The following EPS15L1 variants were observed in gnomAD, a reference collection of about 807,000 sequenced individuals.
EPS15L1 encodes epidermal growth factor receptor substrate 15-like 1.
A neutral mutation model predicts 117.1 loss-of-function variants in EPS15L1; 43 were observed. The observed-to-expected ratio is 0.37, with a 90% CI of 0.29 to 0.47. The LOEUF (loss-of-function observed/expected upper bound fraction) is 0.47, where lower values mean the gene tolerates loss of function less well. EPS15L1 is among the 20% of genes least tolerant of loss of function. The pLI is 0.99. For synonymous variants in EPS15L1, 459 were observed against 470.5 expected, an observed-to-expected ratio of 0.98 and a Z score of 0.32; for missense variants, 981 against 1,164.0, an observed-to-expected ratio of 0.84 and a Z score of 2.29.
At chr19:16,362,133 G>C (rs2092063725) in intron 22 of EPS15L1, 149 bp from the exon 23 acceptor site, 1 of 769,280 alleles carries the variant, frequency 1.3e-6, no homozygotes, top group African/African-American at 1.8e-5. Flanking sequence ...GGGTACCCTG[G>C]GGAATCCCAG....
At chr19:16,358,575 C>A (rs2144618683) in intron 23 of EPS15L1, among the ~76,000 whole-genome samples, 1 of 152,214 alleles carries the variant, frequency 6.6e-6, no homozygotes, top group East Asian at 1.9e-4. Context: ...GAGGCCTGCC[C>A]ACTCAGGATG....
intron 18 of EPS15L1, 56 bp downstream of exon 18, chr19:16,393,895 T>C: frequency 6.3e-7 from 1 of 1,575,130 alleles, no homozygotes; most frequent in Non-Finnish European, 8.7e-7. Context: ...ACATGCGACT[T>C]CTGAGCCAGG....
At chr19:16,441,785 C>CAGGAGGCCGGGCCCCATGGA (rs2145077237) in intron 3 of EPS15L1, 107 bp downstream of exon 3, 1 of 821,748 alleles carries the variant, frequency 1.2e-6, no homozygotes, top group African/African-American at 1.7e-5. Context: ...GGCCACTACC[C>CAGGAGGCCGGGCCCCATGGA]AGGAGGCCGG....
At chr19:16,409,998 G>A (rs552846721) in intron 13 of EPS15L1, among the ~76,000 whole-genome samples, 42 of 149,490 alleles carry the variant, frequency 2.8e-4, no homozygotes, top group South Asian at 4.3e-4. Context: ...ACCAGGTGTA[G>A]TGGCACATGC....
intron 16 of EPS15L1, among the ~76,000 whole-genome samples, chr19:16,397,338 C>G (rs910320164): frequency 3.9e-5 from 6 of 152,194 alleles, no homozygotes; most frequent in Non-Finnish European, 7.3e-5. Flanking sequence ...AATCCACCCC[C>G]CTCGGCCTCC....
At chr19:16,463,815 C>G (rs946657860) in intron 1 of EPS15L1, among the ~76,000 whole-genome samples, 3 of 152,220 alleles carry the variant, frequency 2.0e-5, no homozygotes, top group Admixed American at 6.5e-5. Flanking sequence ...TCAGGAAAGG[C>G]TTCCCTGAGG....
chr19:16,419,866 C>T (rs1016683645), intron 10 of EPS15L1, among the ~76,000 whole-genome samples: 2 of 152,240 alleles, frequency 1.3e-5, no homozygotes, highest in African/African-American at 4.8e-5. Context: ...TCTCCACTCC[C>T]GCCCCTTCTC....
intron 1 of EPS15L1, among the ~76,000 whole-genome samples, chr19:16,452,083 G>C (rs372722067): frequency 1.3e-5 from 2 of 151,764 alleles, no homozygotes; most frequent in African/African-American, 4.8e-5. Flanking sequence ...AGGTTGCAGT[G>C]AGCCAAGATC....
chr19:16,459,512 G>T (rs934912642), intron 1 of EPS15L1, among the ~76,000 whole-genome samples: 4 of 152,270 alleles, frequency 2.6e-5, no homozygotes, highest in Admixed American at 6.5e-5. Flanking sequence ...AGTGCAGGAA[G>T]GTGCAGTTGG....
intron 19 of EPS15L1, among the ~76,000 whole-genome samples, chr19:16,391,871 C>T (rs958683020): frequency 9.2e-5 from 14 of 152,038 alleles, no homozygotes; most frequent in African/African-American, 3.4e-4. Context: ...TCTAAGGTCC[C>T]CACCAGTGCT....
In EPS15L1 at chr19:16,434,495, T is replaced by C; in HGVS notation, c.373-5A>G. 2 of 1,613,122 alleles carry C rather than the reference T, an allele frequency of 1.2e-6. No homozygotes were observed. The highest frequency in any genetic ancestry group is 1.7e-6 in the Non-Finnish European group (2 of 1,179,482). On this transcript the variant is annotated splice_polypyrimidine_tract_variant and splice_region_variant and intron_variant, in intron 6 of 23. Transcript: ENST00000455140. ...AAATTTGGCCTTTTCTTCCACCTAG[T>C]TGGAAAGAAATAGCCCGAGTAAGTA...
rs115643709 is a variant in EPS15L1 at position 16,428,905 on chromosome 19, G to A, written c.499-144C>T. On this transcript the variant is annotated intron_variant, in intron 7 of 23. Transcript: ENST00000455140. ...AATATACATTTCAGGACCAGTCCGC[G>A]AGTTCTCAGAAAAACCATCACCTGT... 1.5e-3 allele frequency: 942 copies of A among 634,238 alleles called. 12 individuals are homozygous for A. In the African/African-American group the frequency reaches 0.015, roughly 10 times the overall value. The allele number at this position is 634,238 out of a possible 1,614,324, so 39.3% of individuals were successfully genotyped here. A position where few individuals can be genotyped will look rare whatever the true frequency, so the allele number is the denominator to read the frequency against.
intron 1 of EPS15L1, among the ~76,000 whole-genome samples, chr19:16,454,840 C>T (rs889222136): frequency 2.7e-5 from 4 of 149,404 alleles, no homozygotes; most frequent in Non-Finnish European, 5.9e-5. Flanking sequence ...TTTTAAGAGA[C>T]AGCTCTGGGC....
intron 17 of EPS15L1, 128 bp from the exon 18 acceptor site, chr19:16,394,129 T>A: frequency 1.2e-6 from 1 of 810,846 alleles, no homozygotes; most frequent in South Asian, 1.4e-5. Flanking sequence ...GGAGAGAATG[T>A]TAGTTCCTTC....
chr19:16,450,452 C>T (rs551359765), intron 1 of EPS15L1, among the ~76,000 whole-genome samples: 23 of 149,980 alleles, frequency 1.5e-4, no homozygotes, highest in African/African-American at 5.4e-4. Flanking sequence ...GGACGGAGGC[C>T]GTGAGCCCCA....
At chr19:16,413,625 A>C in intron 13 of EPS15L1, 148 bp downstream of exon 13, 4 of 785,170 alleles carry the variant, frequency 5.1e-6, no homozygotes, top group Non-Finnish European at 8.3e-6. Flanking sequence ...AAAAAAAAAA[A>C]ACAAAAACTT....
chr19:16,395,471 C>T lies in EPS15L1; in HGVS notation c.1792-4G>A. ...CTTTATTTTTGAAAGGATCATCCTA[C>T]AATTTTGTGAAGAAACAGGACAGGG... On this transcript the variant is annotated splice_region_variant and splice_polypyrimidine_tract_variant and intron_variant, in intron 16 of 23. Coordinates refer to ENST00000455140, the MANE Select transcript of EPS15L1 (RefSeq NM_001258374.3). 1 of 1,612,928 alleles carries T rather than the reference C, an allele frequency of 6.2e-7. No homozygotes were observed. The highest frequency in any genetic ancestry group is 1.1e-5 in the South Asian group (1 of 91,028).
chr19:16,462,647 G>C (rs2093264610), intron 1 of EPS15L1, among the ~76,000 whole-genome samples: 1 of 152,168 alleles, frequency 6.6e-6, no homozygotes, highest in African/African-American at 2.4e-5. Flanking sequence ...CAGCCTGGGT[G>C]ACAAAGCGGG....
intron 17 of EPS15L1, among the ~76,000 whole-genome samples, chr19:16,395,108 T>C (rs558522735): frequency 6.6e-6 from 1 of 151,406 alleles, no homozygotes; most frequent in Admixed American, 6.6e-5. Flanking sequence ...GGCAGGAGAA[T>C]TGCTTGAACC....
Sources: allele counts gnomAD v4.1 joint callset (sites outside exome capture counted in the v4.1 genomes callset), GRCh38; gene constraint gnomAD v4.1.1; transcripts MANE v1.5; gene names NCBI Gene and HGNC (gene_info 2026-07-23, HGNC 2026-07-21).